The following DNAH9 variants were observed in gnomAD, a reference collection of about 807,000 sequenced individuals.
The protein encoded by DNAH9 is dynein axonemal heavy chain 9, also known as DNAH9 variant protein.
Under a neutral mutation model 471.6 loss-of-function variants are expected in DNAH9, and 345 were observed. That is an observed-to-expected ratio of 0.73 (90% CI 0.67 to 0.80). The LOEUF is 0.80. Among genes scored for constraint, DNAH9 ranks in the 30% least tolerant of loss-of-function variants. The pLI, the probability that DNAH9 is intolerant of heterozygous loss-of-function variation, is 0.00. For synonymous variants in DNAH9, 2,093 were observed against 2,123.6 expected (o/e 0.99, Z 0.40); for missense variants, 5,407 against 5,609.2 (o/e 0.96, Z 1.15).
At chr17:11,608,428 C>T (rs2072556056) in intron 2 of DNAH9, 103 bp downstream of exon 2, 1 of 886,774 alleles carries the variant, frequency 1.1e-6, no homozygotes, top group East Asian at 2.5e-5. Context: ...CTGCACATCT[C>T]CTCGTTCTGC....
At chr17:11,617,255 G>A in intron 4 of DNAH9, 156 bp from the exon 5 acceptor site, 1 of 602,472 alleles carries the variant, frequency 1.7e-6, no homozygotes, top group Non-Finnish European at 2.9e-6. Flanking sequence ...GGGCTCTCCA[G>A]TTTCCATATT....
At chr17:11,805,664 C>T (rs1969646445) in intron 43 of DNAH9, among the ~76,000 whole-genome samples, 1 of 149,514 alleles carries the variant, frequency 6.7e-6, no homozygotes, top group African/African-American at 2.5e-5. Flanking sequence ...AAGAGATACT[C>T]CTGCCTCAGC....
chr17:11,609,377 T>G (rs2072579463), intron 2 of DNAH9, among the ~76,000 whole-genome samples: 1 of 152,228 alleles, frequency 6.6e-6, no homozygotes, highest in Admixed American at 6.5e-5. Context: ...ACTACCCCTT[T>G]TCTAGTCCCT....
intron 20 of DNAH9, among the ~76,000 whole-genome samples, chr17:11,692,181 A>C (rs989905068): frequency 6.0e-5 from 9 of 150,712 alleles, no homozygotes; most frequent in Non-Finnish European, 1.3e-4. Flanking sequence ...TTGAGTCCTC[A>C]TTCTCTCACT....
intron 59 of DNAH9, among the ~76,000 whole-genome samples, chr17:11,901,620 C>G (rs1464557229): frequency 6.6e-6 from 1 of 152,130 alleles, no homozygotes; most frequent in Admixed American, 6.5e-5. Context: ...TGCTTGAATC[C>G]AGGAGGTGGA....
intron 49 of DNAH9, among the ~76,000 whole-genome samples, chr17:11,847,557 T>A (rs1443452065): frequency 6.6e-6 from 1 of 152,166 alleles, no homozygotes; most frequent in African/African-American, 2.4e-5. Flanking sequence ...CTCTATTCTG[T>A]TCCATTGGTC....
chr17:11,601,144 T>G (rs1597605186), intron 1 of DNAH9, among the ~76,000 whole-genome samples: 2 of 152,206 alleles, frequency 1.3e-5, no homozygotes, highest in Non-Finnish European at 2.9e-5. Flanking sequence ...GATTTCTTTC[T>G]TTTTTTAACA....
At position 11,636,712 on chromosome 17, in the gene DNAH9, C is replaced by T. The variant is rs2073173738; in HGVS notation, c.1714C>T (p.Gln572Ter). Residue 572 changes from glutamine to a stop codon, truncating the protein, a stop_gained, in exon 9 of 69, where the codon CAA becomes TAA. Coordinates refer to ENST00000262442, the MANE Select transcript of DNAH9 (RefSeq NM_001372.4). LOFTEE classifies it high-confidence loss of function. Reference protein sequence around the residue: ...DTSDKYLVLIQMFNKDLDAVR... With the variant: ...DTSDKYLVLI ...ATCTGATAAATACCTGGTCCTCATCCAAATGTTCAACAAAGATCTGGATGC... is the reference window on the plus strand; with the variant it reads ...ATCTGATAAATACCTGGTCCTCATCTAAATGTTCAACAAAGATCTGGATGC... 3.7e-6 allele frequency: 6 copies of T among 1,613,768 alleles called. No individual in the cohort carries two copies. The highest frequency in any genetic ancestry group is 2.2e-5 in the South Asian group (2 of 91,080).
At chr17:11,887,736 T>TCA (rs35670481) in intron 57 of DNAH9, among the ~76,000 whole-genome samples, 30,060 of 147,358 alleles carry the variant, frequency 0.2, 3,292 homozygotes, top group Admixed American at 0.29. Context: ...ATACACACAG[T>TCA]CACACACACA....
At chr17:11,847,258 G>A (rs1040473808) in intron 49 of DNAH9, among the ~76,000 whole-genome samples, 11 of 152,076 alleles carry the variant, frequency 7.2e-5, no homozygotes, top group African/African-American at 2.4e-4. Flanking sequence ...GTTGCTTTTG[G>A]TATCTTTGTC....
intron 2 of DNAH9, among the ~76,000 whole-genome samples, chr17:11,610,050 C>CATCTGAATATT (rs1333746036): frequency 5.9e-5 from 9 of 152,204 alleles, no homozygotes; most frequent in Non-Finnish European, 1.3e-4. Flanking sequence ...ATTGGGTGGT[C>CATCTGAATATT]ATCTGAATAT....
chr17:11,920,035 CT>C (rs1165405913), intron 61 of DNAH9, among the ~76,000 whole-genome samples: 284 of 135,886 alleles, frequency 2.1e-3, no homozygotes, highest in African/African-American at 2.8e-3. Context: ...TAAGTTCTTT[CT>C]TTTTTTTTTT....
At position 11,690,004 on chromosome 17, in the gene DNAH9, T is replaced by G. The variant is rs1597482464; in HGVS notation, c.4182T>G (p.Gly1394=). ...GGAGGCAGCTGATGCAGGCCACCGGTGTGAGCTTCACTATGGACCAGGACA... is the reference window on the plus strand; with the variant it reads ...GGAGGCAGCTGATGCAGGCCACCGGGGTGAGCTTCACTATGGACCAGGACA... ...RHWRQLMQAT[G]VSFTMDQDTT... Residue 1394 remains glycine (G), a synonymous_variant, in exon 20 of 69, where the codon GGT becomes GGG. Coordinates refer to ENST00000262442, the MANE Select transcript of DNAH9 (RefSeq NM_001372.4). The G allele has an allele frequency of 6.2e-7, 1 of 1,614,152 alleles. No homozygotes were observed. The highest frequency in any genetic ancestry group is 8.5e-7 in the Non-Finnish European group (1 of 1,180,032).
At chr17:11,718,018 C>T (rs1015348022) in intron 26 of DNAH9, among the ~76,000 whole-genome samples, 1 of 146,916 alleles carries the variant, frequency 6.8e-6, no homozygotes, top group Non-Finnish European at 1.5e-5. Context: ...GAATTACAGG[C>T]GCACTACACC....
chr17:11,679,617 CTA>C, intron 17 of DNAH9, 138 bp from the exon 18 acceptor site: 1 of 669,862 alleles, frequency 1.5e-6, no homozygotes, highest in South Asian at 1.8e-5. Flanking sequence ...AGAGCATAGT[CTA>C]TGCAGAGTGC....
intron 1 of DNAH9, among the ~76,000 whole-genome samples, chr17:11,604,103 A>C (rs1319861709): frequency 1.3e-5 from 2 of 150,894 alleles, no homozygotes; most frequent in Non-Finnish European, 3.0e-5. Flanking sequence ...GCTTGCTGCA[A>C]CCTCCGCCTC....
intron 13 of DNAH9, among the ~76,000 whole-genome samples, chr17:11,651,738 T>C (rs2073510264): frequency 6.6e-6 from 1 of 152,198 alleles, no homozygotes; most frequent in Non-Finnish European, 1.5e-5. Flanking sequence ...CATTGGCTGA[T>C]TAATACGCGC....
rs368259973 is a variant in DNAH9 at position 11,648,032 on chromosome 17, G to C, written c.2097+834G>C. Among the ~76,000 whole-genome samples, 679 of 152,332 alleles carry C rather than the reference G, an allele frequency of 4.5e-3. 5 individuals carry two copies. Among genetic ancestry groups the C allele is most frequent in the African/African-American group, 0.015 (633 of 41,566 alleles). ...AGATGATCAGAAGGATGGAAGACCA[G>C]TGGGGACCGTAGCAGCCACAGAAAG... On this transcript the variant is annotated intron_variant, in intron 12 of 68. Coordinates refer to ENST00000262442, the MANE Select transcript of DNAH9 (RefSeq NM_001372.4).
intron 35 of DNAH9, among the ~76,000 whole-genome samples, chr17:11,758,393 T>C (rs1373944769): frequency 6.6e-6 from 1 of 152,190 alleles, no homozygotes; most frequent in African/African-American, 2.4e-5. Context: ...TTGTTGCCAT[T>C]TGATGCATCA....
Sources: allele counts gnomAD v4.1 joint callset (sites outside exome capture counted in the v4.1 genomes callset), GRCh38; gene constraint gnomAD v4.1.1; transcripts MANE v1.5; gene names NCBI Gene and HGNC (gene_info 2026-07-23, HGNC 2026-07-21).